OTUD7A: variants seen among roughly 807,000 people sequenced by gnomAD.
OTUD7A encodes the protein OTU domain-containing protein 7A.
OTUD7A carries 12 observed loss-of-function variants against 65.7 expected under a neutral mutation model. The ratio of observed to expected loss-of-function variants is 0.18; its 90% CI spans 0.12 to 0.30. The LOEUF is 0.30. Ranked by LOEUF, OTUD7A falls within the 10% of genes least tolerant of loss-of-function variation. The pLI, the probability that OTUD7A is intolerant of heterozygous loss-of-function variation, is 1.00. For synonymous variants in OTUD7A, 641 were observed against 586.3 expected (o/e 1.09, Z -1.35); for missense variants, 1,148 against 1,304.8 (o/e 0.88, Z 1.85).
At chr15:31,749,480 A>G (rs35063008) in intron 1 of OTUD7A, among the ~76,000 whole-genome samples, 30,753 of 152,112 alleles carry the variant, frequency 0.2, 3,564 homozygotes, top group Admixed American at 0.28. Flanking sequence ...ACCTACGCAC[A>G]TAGACACCAG....
chr15:31,686,080 G>A (rs542364300), intron 1 of OTUD7A, among the ~76,000 whole-genome samples: 2 of 152,376 alleles, frequency 1.3e-5, no homozygotes, highest in Admixed American at 6.5e-5. Flanking sequence ...AGTTCTGGGT[G>A]TGAGGGTTTC....
chr15:31,800,842 G>A (rs151136148), intron 1 of OTUD7A, among the ~76,000 whole-genome samples: 1 of 152,140 alleles, frequency 6.6e-6, no homozygotes, highest in Non-Finnish European at 1.5e-5. Flanking sequence ...GATTCTTGCT[G>A]ACAGCAGCCA....
chr15:31,602,659 A>C (rs1890114520), intron 3 of OTUD7A, among the ~76,000 whole-genome samples: 1 of 152,238 alleles, frequency 6.6e-6, no homozygotes, highest in South Asian at 2.1e-4. Flanking sequence ...AGAGGAAGTC[A>C]AATTGTCTCT....
intron 1 of OTUD7A, among the ~76,000 whole-genome samples, chr15:31,797,341 T>C (rs1273571413): frequency 2.0e-5 from 3 of 152,220 alleles, no homozygotes; most frequent in Non-Finnish European, 4.4e-5. Flanking sequence ...CATAGGGACC[T>C]TCCTTCTTTA....
At chr15:31,501,223 G>T (rs2041460633) in intron 10 of OTUD7A, among the ~76,000 whole-genome samples, 1 of 152,206 alleles carries the variant, frequency 6.6e-6, no homozygotes, top group Non-Finnish European at 1.5e-5. Flanking sequence ...GGTGTCTGTG[G>T]CTGCTCCTCT....
At chr15:31,743,583 A>G (rs1354220245) in intron 1 of OTUD7A, among the ~76,000 whole-genome samples, 2 of 152,122 alleles carry the variant, frequency 1.3e-5, no homozygotes, top group African/African-American at 4.8e-5. Flanking sequence ...GAAGGAAAAA[A>G]GAAAGGTGAA....
Position 31,526,389 on chromosome 15 carries a change from G to T in OTUD7A, c.853C>A (p.Pro285Thr). ...TELLKLASSEPRTHFSKNGGT... is the reference protein window; with the variant it reads ...TELLKLASSETRTHFSKNGGT... The stretch of plus-strand genomic sequence containing the variant: ...CCATTCTTGCTGAAGTGTGTGCGCG[G>T]CTCGCTGGAGGCCAGCTTCAGCAGC... The change falls in exon 8 of 13, where the codon CCG becomes ACG. Residue 285 changes from proline (P) to threonine (T), a missense_variant. Physicochemically the swap from Pro to Thr is conservative, Grantham distance 38. Around this residue, in one of 6 missense-constraint regions of OTUD7A, gnomAD observed 134 missense variants for 252.6 expected, o/e 0.53. Transcript: ENST00000307050. 1 of 1,601,562 alleles carries T rather than the reference G, an allele frequency of 6.2e-7. No homozygotes were observed.
chr15:31,609,607 G>GC (rs1374331449), intron 3 of OTUD7A, among the ~76,000 whole-genome samples: 3 of 152,070 alleles, frequency 2.0e-5, no homozygotes, highest in Non-Finnish European at 4.4e-5. Context: ...GCCTAGCCCT[G>GC]CCCCCCATTG....
intron 3 of OTUD7A, among the ~76,000 whole-genome samples, chr15:31,588,800 G>A (rs895612387): frequency 6.6e-6 from 1 of 152,226 alleles, no homozygotes; most frequent in African/African-American, 2.4e-5. Context: ...GCAGGGACAG[G>A]GGAAGTCCCT....
intron 3 of OTUD7A, among the ~76,000 whole-genome samples, chr15:31,623,526 C>A (rs1373592978): frequency 6.6e-6 from 1 of 152,232 alleles, no homozygotes; most frequent in African/African-American, 2.4e-5. Context: ...GCTGTGCTAG[C>A]AATGAGCGAG....
chr15:31,835,366 C>T (rs1053149487), intron 1 of OTUD7A, among the ~76,000 whole-genome samples: 7 of 152,088 alleles, frequency 4.6e-5, no homozygotes, highest in Non-Finnish European at 7.4e-5. Flanking sequence ...CTAGGCATCC[C>T]GTATTATTAT....
intron 1 of OTUD7A, among the ~76,000 whole-genome samples, chr15:31,784,942 T>C (rs1895632916): frequency 6.6e-6 from 1 of 152,162 alleles, no homozygotes; most frequent in Admixed American, 6.5e-5. Context: ...GTAGGGTCAG[T>C]TCAGAAGGGA....
At chr15:31,587,398 G>A (rs1416293847) in intron 3 of OTUD7A, among the ~76,000 whole-genome samples, 2 of 152,086 alleles carry the variant, frequency 1.3e-5, no homozygotes, top group East Asian at 3.9e-4. Context: ...AGCACTCTGG[G>A]AGGCTGAGGC....
chr15:31,621,560 G>A (rs370550698), intron 3 of OTUD7A, among the ~76,000 whole-genome samples: 2 of 151,726 alleles, frequency 1.3e-5, no homozygotes, highest in South Asian at 4.2e-4. Context: ...TTTAAAGTCT[G>A]TTTTATCAGA....
intron 10 of OTUD7A, among the ~76,000 whole-genome samples, chr15:31,496,837 A>G (rs79420059): frequency 0.05 from 7,677 of 152,244 alleles, 650 homozygotes; most frequent in African/African-American, 0.18. Flanking sequence ...TCCCTAGCAG[A>G]CACTTATAAA....
intron 1 of OTUD7A, among the ~76,000 whole-genome samples, chr15:31,699,177 T>A (rs1893154805): frequency 6.6e-6 from 1 of 151,290 alleles, no homozygotes; most frequent in Non-Finnish European, 1.5e-5. Context: ...CCTCCTGAGT[T>A]CATGCCATTC....
Position 31,782,068 on chromosome 15 carries a change from A to G in OTUD7A, c.-100+88439T>C, listed in dbSNP as rs115893873. On this transcript the variant is annotated intron_variant, in intron 1 of 12. Coordinates refer to ENST00000307050, the MANE Select transcript of OTUD7A (RefSeq NM_001382637.1). ...GTCACGTAAGGGAATGGGTTTTTCT[A>G]ACAGACTGGTAGGTGCTCTGTAGGG... is the stretch of plus-strand genomic sequence containing the variant. Among the ~76,000 whole-genome samples the G allele has an allele frequency of 1.7e-3, 253 of 152,308 alleles. 1 individual carries two copies. The highest frequency in any genetic ancestry group is 5.8e-3 in the African/African-American group (243 of 41,568).
intron 1 of OTUD7A, among the ~76,000 whole-genome samples, chr15:31,800,768 GT>G (rs1162233133): frequency 6.6e-6 from 1 of 152,078 alleles, no homozygotes; most frequent in Admixed American, 6.5e-5. Context: ...CAGCCCCAGC[GT>G]TTTTTTGTTT....
Position 31,483,254 on chromosome 15 carries a change from T to TC in OTUD7A, c.*39dup. ...CACCGACACAATGGAAAAGAAATCCTCGAAGGTAGAACCTCGCCGCCCGCG... is the reference window on the plus strand; with the variant it reads ...CACCGACACAATGGAAAAGAAATCCTCCGAAGGTAGAACCTCGCCGCCCGCG... On this transcript the variant is annotated 3_prime_UTR_variant, in exon 13 of 13. Transcript: ENST00000307050. The TC allele has an allele frequency of 2.8e-6, 3 of 1,067,214 alleles. No homozygotes were observed. Among genetic ancestry groups the TC allele is most frequent in the Non-Finnish European group, 3.4e-6 (3 of 884,398 alleles). 66.1% of individuals were successfully genotyped at this position (1,067,214 alleles called of 1,614,324 possible).
Sources: gnomAD v4.1 joint callset for allele counts (sites outside exome capture counted in the v4.1 genomes callset) on GRCh38, gnomAD v4.1.1 for gene constraint, gnomAD v4.1.1 regional missense constraint, MANE v1.5 for transcripts, NCBI Gene and HGNC (gene_info 2026-07-23, HGNC 2026-07-21) for gene names.